The following ICA1 variants were observed in gnomAD, a reference collection of about 807,000 sequenced individuals.
The protein encoded by ICA1 is islet cell autoantigen 1.
In ICA1, 40 loss-of-function variants were observed where a neutral mutation model predicts 71.0. The observed-to-expected ratio is 0.56, with a 90% CI of 0.44 to 0.73. The LOEUF (loss-of-function observed/expected upper bound fraction) is 0.73. Ranked by LOEUF, ICA1 falls within the 30% of genes least tolerant of loss-of-function variation. The probability of loss-of-function intolerance (pLI) is 0.00; values close to 1 mark genes in which losing one functional copy is unlikely to be tolerated. For synonymous variants in ICA1, 207 were observed against 209.5 expected, an observed-to-expected ratio of 0.99 and a Z score of 0.10; for missense variants, 578 against 576.5, an observed-to-expected ratio of 1.00 and a Z score of -0.03.
intron 6 of ICA1, among the ~76,000 whole-genome samples, chr7:8,186,247 T>A (rs1159867017): frequency 6.6e-6 from 1 of 152,146 alleles, no homozygotes; most frequent in Admixed American, 6.5e-5. Context: ...CAATTTATTG[T>A]CCAAACAGGG....
intron 12 of ICA1, among the ~76,000 whole-genome samples, chr7:8,137,949 C>T (rs1051463695): frequency 2.0e-5 from 3 of 152,164 alleles, no homozygotes; most frequent in Admixed American, 6.5e-5. Flanking sequence ...AGGATAACTT[C>T]GGCCAGTCTG....
intron 13 of ICA1, among the ~76,000 whole-genome samples, chr7:8,120,959 A>G (rs1420355876): frequency 1.3e-5 from 2 of 152,172 alleles, no homozygotes; most frequent in Non-Finnish European, 2.9e-5. Context: ...GAGTGGGAAC[A>G]CCACAACCAC....
At chr7:8,149,707 A>C (rs1798159503) in intron 8 of ICA1, among the ~76,000 whole-genome samples, 1 of 152,230 alleles carries the variant, frequency 6.6e-6, no homozygotes, top group Admixed American at 6.5e-5. Context: ...TTTAATTACG[A>C]CATCTAATTT....
At chr7:8,138,696 G>A in intron 12 of ICA1, 144 bp downstream of exon 12, 1 of 668,416 alleles carries the variant, frequency 1.5e-6, no homozygotes, top group Non-Finnish European at 2.6e-6. Flanking sequence ...CATATTTGAG[G>A]TCATTTATAA....
At chr7:8,218,541 C>G (rs765897478) in intron 5 of ICA1, 38 bp from the exon 6 acceptor site, 5 of 1,553,288 alleles carry the variant, frequency 3.2e-6, no homozygotes, top group Non-Finnish European at 4.4e-6. Flanking sequence ...CAAAACTAAG[C>G]CAGTGAGCAA....
chr7:8,113,953 G>C lies in ICA1; in HGVS notation c.1422C>G (p.Thr474=). ...CATTGAGCAATTCGTGTTCTTTATC[G>C]GTTTTCCCAACAGCATCAGGATTTG... ...PLSNPDAVGK[T]DKEHELLNA Residue 474 remains threonine, a synonymous_variant, in exon 14 of 14, where the codon ACC becomes ACG. Coordinates refer to ENST00000402384, the MANE Select transcript of ICA1 (RefSeq NM_001136020.3). The surrounding 1 kb of genome is among the most constrained non-coding windows in gnomAD (Gnocchi z 4.2). 6.2e-7 allele frequency: 1 copy of C among 1,614,128 alleles called. No individual in the cohort carries two copies. The highest frequency in any genetic ancestry group is 1.1e-5 in the South Asian group (1 of 91,080).
intron 6 of ICA1, among the ~76,000 whole-genome samples, chr7:8,185,059 G>A (rs886806334): frequency 1.3e-5 from 2 of 151,228 alleles, no homozygotes; most frequent in Admixed American, 1.3e-4. Flanking sequence ...GGGCAACAGA[G>A]TGAGACTATG....
chr7:8,124,949 C>T (rs1158266599), intron 13 of ICA1, among the ~76,000 whole-genome samples: 1 of 152,026 alleles, frequency 6.6e-6, no homozygotes, highest in African/African-American at 2.4e-5. Flanking sequence ...CCACCACACC[C>T]AGCTAATTTT....
chr7:8,196,041 A>C (rs1375270940), intron 6 of ICA1, among the ~76,000 whole-genome samples: 2 of 152,164 alleles, frequency 1.3e-5, no homozygotes, highest in Admixed American at 6.5e-5. Context: ...AAAAAATTCC[A>C]CATAAGAACC....
intron 6 of ICA1, among the ~76,000 whole-genome samples, chr7:8,212,550 G>A (rs1288272973): frequency 2.6e-5 from 4 of 152,152 alleles, no homozygotes; most frequent in Non-Finnish European, 4.4e-5. Flanking sequence ...GGGAGACAGA[G>A]CAAGACCCTG....
intron 6 of ICA1, among the ~76,000 whole-genome samples, chr7:8,199,354 T>C (rs1788757700): frequency 6.6e-6 from 1 of 152,100 alleles, no homozygotes; most frequent in Admixed American, 6.5e-5. Context: ...TGTCCATCAA[T>C]AGATGAATGG....
chr7:8,208,464 C>T (rs1194599028), intron 6 of ICA1, among the ~76,000 whole-genome samples: 6 of 152,032 alleles, frequency 3.9e-5, no homozygotes, highest in Non-Finnish European at 7.4e-5. Context: ...ATACTTTAAA[C>T]GAGTGTGCTG....
rs1265341564 is a variant in ICA1 at position 8,160,716 on chromosome 7, G to A, written c.580-2064C>T. Reference sequence around the variant, plus strand: ...TCTGTATTCTTGGTCTACAGATCTGGGAAGATCAAAGATCAGTAGCCACCC... The same window carrying A: ...TCTGTATTCTTGGTCTACAGATCTGAGAAGATCAAAGATCAGTAGCCACCC... On this transcript the variant is annotated intron_variant, in intron 6 of 13. Transcript: ENST00000402384. Among the ~76,000 whole-genome samples the A allele has an allele frequency of 3.3e-5, 5 of 152,158 alleles. No individual in the cohort carries two copies. The East Asian group carries it at 5.8e-4, about 18-fold the overall frequency.
At chr7:8,140,780 T>C (rs897698483) in intron 10 of ICA1, among the ~76,000 whole-genome samples, 13 of 152,136 alleles carry the variant, frequency 8.5e-5, no homozygotes, top group Non-Finnish European at 4.4e-5. Context: ...GTGAGTCTTT[T>C]GTTGTTGTTG....
At chr7:8,127,811 T>C (rs1318518583) in intron 13 of ICA1, 62 bp downstream of exon 13, 1 of 1,495,294 alleles carries the variant, frequency 6.7e-7, no homozygotes, top group Non-Finnish European at 9.0e-7. Context: ...AATATGCTTT[T>C]GGATTGAAAA....
intron 1 of ICA1, among the ~76,000 whole-genome samples, chr7:8,249,791 T>C (rs1807507743): frequency 6.6e-6 from 1 of 152,268 alleles, no homozygotes; most frequent in African/African-American, 2.4e-5. Context: ...GAACTTTTCT[T>C]CAGAGAAGTG....
At position 8,130,919 on chromosome 7, in the gene ICA1, C is replaced by T. The variant is rs1477824050; in HGVS notation, c.1061-2777G>A. Among the ~76,000 whole-genome samples, 1 of 152,134 alleles carries T rather than the reference C, an allele frequency of 6.6e-6. No individual in the cohort carries two copies. The highest frequency in any genetic ancestry group is 2.4e-5 in the African/African-American group (1 of 41,412). On this transcript the variant is annotated intron_variant, in intron 12 of 13. Coordinates refer to ENST00000402384, the MANE Select transcript of ICA1 (RefSeq NM_001136020.3). This position sits in a 1 kb window ranked among gnomAD's most constrained non-coding sequence, Gnocchi z 4.2. Reference sequence around the variant, plus strand: ...CTTCCCTCTGCTTCTTCAGTTTTCCCTTTGGGAAAATGCCTTCTCCATGTG... The same window carrying T: ...CTTCCCTCTGCTTCTTCAGTTTTCCTTTTGGGAAAATGCCTTCTCCATGTG...
intron 13 of ICA1, among the ~76,000 whole-genome samples, chr7:8,121,798 T>C (rs560674571): frequency 2.7e-4 from 41 of 152,108 alleles, no homozygotes; most frequent in Non-Finnish European, 4.1e-4. Flanking sequence ...ATGCTTGAGG[T>C]GATGAACACC....
At chr7:8,129,381 A>ATTTTT (rs1355749720) in intron 12 of ICA1, among the ~76,000 whole-genome samples, 29 of 151,518 alleles carry the variant, frequency 1.9e-4, no homozygotes, top group African/African-American at 6.3e-4. Flanking sequence ...TTTTTTAAAA[A>ATTTTT]AAAAAAAGTT....
Sources: allele counts gnomAD v4.1 joint callset (sites outside exome capture counted in the v4.1 genomes callset), GRCh38; gene constraint gnomAD v4.1.1; non-coding constraint Gnocchi (gnomAD v3.1); transcripts MANE v1.5; gene names NCBI Gene and HGNC (gene_info 2026-07-23, HGNC 2026-07-21).